The following FRK variants were observed in gnomAD, a reference collection of about 807,000 sequenced individuals.
FRK encodes fyn related Src family tyrosine kinase, also known as tyrosine-protein kinase FRK.
Under a neutral mutation model 56.4 loss-of-function variants are expected in FRK, and 51 were observed. That is an observed-to-expected ratio of 0.90 (90% CI 0.72 to 1.14). The LOEUF (loss-of-function observed/expected upper bound fraction) is 1.14. Ranked by LOEUF, FRK falls within the 50% of genes most tolerant of loss-of-function variation. FRK has a pLI of 0.00. For synonymous variants in FRK, 245 were observed against 217.9 expected, an observed-to-expected ratio of 1.12 and a Z score of -1.10; for missense variants, 570 against 601.4, an observed-to-expected ratio of 0.95 and a Z score of 0.55.
the FRK span, among the ~76,000 whole-genome samples, chr6:116,097,674 C>T: frequency 6.6e-6 from 1 of 152,016 alleles, no homozygotes. Context: ...TCTAGAAAAT[C>T]GGCTGTAATA....
At chr6:116,058,560 C>G (rs897519743) in intron 1 of FRK, among the ~76,000 whole-genome samples, 1 of 152,160 alleles carries the variant, frequency 6.6e-6, no homozygotes, top group Admixed American at 6.5e-5. Flanking sequence ...GAAACACTTA[C>G]ATGAGAACAT....
intron 5 of FRK, among the ~76,000 whole-genome samples, chr6:115,954,128 T>C (rs1434601935): frequency 1.3e-5 from 2 of 152,078 alleles, no homozygotes; most frequent in African/African-American, 2.4e-5. Flanking sequence ...AGCATGTGGA[T>C]AAATGTCAGA....
rs1444360689 is a variant in FRK, at chr6:115,953,185, T to C, written c.958+3267A>G. 1.6e-4 allele frequency among the ~76,000 whole-genome samples: 18 copies of C among 115,342 alleles called. 2 individuals carry two copies. The highest frequency in any genetic ancestry group is 6.8e-4 in the Admixed American group (8 of 11,832). 75.7% of individuals were successfully genotyped at this position (115,342 alleles called of 152,430 possible). A position where few individuals can be genotyped will look rare whatever the true frequency, so the allele number is the denominator to read the frequency against. ...GGTACATCCATTTTAAGGCCATTTT[T>C]TTTTTTTTTTTTTTTTTTTTTTGAG... On this transcript the variant is annotated intron_variant, in intron 5 of 7. Transcript: ENST00000606080.
chr6:116,084,589 T>C, the FRK span, among the ~76,000 whole-genome samples: 1 of 152,210 alleles, frequency 6.6e-6, no homozygotes, highest in Non-Finnish European at 1.5e-5. Flanking sequence ...GAATTCCTCA[T>C]GGCCTCTTGT....
intron 1 of FRK, among the ~76,000 whole-genome samples, chr6:116,024,170 G>C (rs1472753218): frequency 6.6e-6 from 1 of 151,824 alleles, no homozygotes; most frequent in Non-Finnish European, 1.5e-5. Context: ...GTATGGAAAT[G>C]ACGTGAGTTA....
chr6:115,988,722 A>G (rs1162357734), intron 2 of FRK, among the ~76,000 whole-genome samples: 2 of 152,006 alleles, frequency 1.3e-5, no homozygotes, highest in African/African-American at 4.8e-5. Flanking sequence ...TATACGCGAT[A>G]CACTACTTGG....
chr6:116,095,552 G>A, the FRK span, among the ~76,000 whole-genome samples: 3 of 152,120 alleles, frequency 2.0e-5, no homozygotes, highest in African/African-American at 4.8e-5. Context: ...CCCTATCAGT[G>A]CCCCTCAAAG....
intron 6 of FRK, 31 bp downstream of exon 6, chr6:115,944,213 C>A: frequency 6.4e-7 from 1 of 1,574,318 alleles, no homozygotes; most frequent in South Asian, 1.2e-5. Flanking sequence ...TGACCTATTA[C>A]AAAAACTAAT....
chr6:116,081,264 C>G, the FRK span, among the ~76,000 whole-genome samples: 1 of 152,178 alleles, frequency 6.6e-6, no homozygotes. Flanking sequence ...TCTTCAAACA[C>G]TTTTTGTGGA....
At chr6:116,081,991 G>A in the FRK span, among the ~76,000 whole-genome samples, 1 of 152,118 alleles carries the variant, frequency 6.6e-6, no homozygotes, top group African/African-American at 2.4e-5. Flanking sequence ...CTAAGGGAGA[G>A]CACAGCAAAG....
intron 5 of FRK, among the ~76,000 whole-genome samples, chr6:115,955,458 T>C (rs1235588716): frequency 6.6e-6 from 1 of 152,170 alleles, no homozygotes; most frequent in African/African-American, 2.4e-5. Flanking sequence ...AGGGGTTATT[T>C]AATAGCTGAG....
chr6:116,028,545 A>G (rs943696710), intron 1 of FRK, among the ~76,000 whole-genome samples: 4 of 152,130 alleles, frequency 2.6e-5, no homozygotes, highest in Non-Finnish European at 5.9e-5. Context: ...CAGTGAGGGA[A>G]AATCTGTTCC....
In FRK at chr6:115,936,603, T is replaced by A. The variant is rs1006604889; in HGVS notation, c.*5811A>T. ...TAAAAAGATTAGAGGAATTGCTAACTAGAATAACAAGTATAGAGAAGCACA... is the reference window on the plus strand; with the variant it reads ...TAAAAAGATTAGAGGAATTGCTAACAAGAATAACAAGTATAGAGAAGCACA... On this transcript the variant is annotated 3_prime_UTR_variant, in exon 8 of 8. Coordinates refer to ENST00000606080, the MANE Select transcript of FRK (RefSeq NM_002031.3). 2.0e-5 allele frequency: 3 copies of A among 152,092 alleles called. No homozygotes were observed. Among genetic ancestry groups the A allele is most frequent in the Non-Finnish European group, 4.4e-5 (3 of 68,014 alleles). 9.4% of individuals were successfully genotyped at this position (152,092 alleles called of 1,614,324 possible).
chr6:115,974,134 A>C (rs1287066173), intron 2 of FRK, among the ~76,000 whole-genome samples: 3 of 152,194 alleles, frequency 2.0e-5, no homozygotes, highest in Non-Finnish European at 2.9e-5. Flanking sequence ...CAATAAAAAG[A>C]ATTTCCCTTA....
intron 2 of FRK, among the ~76,000 whole-genome samples, chr6:115,972,062 A>G (rs540218995): frequency 6.6e-6 from 1 of 152,324 alleles, no homozygotes; most frequent in African/African-American, 2.4e-5. Context: ...TGCAGCTGCT[A>G]AGATGCAGAC....
At chr6:116,093,504 T>A in the FRK span, among the ~76,000 whole-genome samples, 1 of 152,142 alleles carries the variant, frequency 6.6e-6, no homozygotes, top group Non-Finnish European at 1.5e-5. Flanking sequence ...AAAGAATGCT[T>A]TAGCTGCAGT....
chr6:116,016,447 T>C (rs1351732418), intron 1 of FRK, among the ~76,000 whole-genome samples: 1 of 152,228 alleles, frequency 6.6e-6, no homozygotes, highest in African/African-American at 2.4e-5. Flanking sequence ...GTACATCTTT[T>C]ATGTACCAAT....
chr6:116,086,944 G>A, the FRK span, among the ~76,000 whole-genome samples: 1 of 152,308 alleles, frequency 6.6e-6, no homozygotes, highest in South Asian at 2.1e-4. Context: ...AAGATGTAAA[G>A]ATAACTTCAG....
At chr6:115,982,752 A>T (rs912241909) in intron 2 of FRK, among the ~76,000 whole-genome samples, 7 of 152,176 alleles carry the variant, frequency 4.6e-5, no homozygotes, top group African/African-American at 1.4e-4. Context: ...TCAGTGCAAA[A>T]CATAGCATTC....
Sources: allele counts gnomAD v4.1 joint callset (sites outside exome capture counted in the v4.1 genomes callset), GRCh38; gene constraint gnomAD v4.1.1; transcripts MANE v1.5; gene names NCBI Gene and HGNC (gene_info 2026-07-23, HGNC 2026-07-21).